The following ATG7 variants were observed in gnomAD, a reference collection of about 807,000 sequenced individuals.
ATG7 encodes ubiquitin-like modifier-activating enzyme ATG7.
Under a neutral mutation model 82.4 loss-of-function variants are expected in ATG7, and 70 were observed. The observed-to-expected ratio is 0.85, with a 90% CI of 0.70 to 1.04. The LOEUF is 1.04. ATG7 is among the 50% of genes least tolerant of loss of function. The pLI is 0.00. For synonymous variants in ATG7, 287 were observed against 313.0 expected (o/e 0.92, Z 0.88); for missense variants, 792 against 864.3 (o/e 0.92, Z 1.05).
downstream of ATG7, chr3:11,558,914 A>C (rs2125096909): frequency 2.7e-6 from 4 of 1,483,916 alleles, no homozygotes; most frequent in East Asian, 9.5e-5. Flanking sequence ...CAGGCAGCCC[A>C]GAGCCGGACT....
intron 20 of ATG7, among the ~76,000 whole-genome samples, chr3:11,429,927 C>T (rs958098668): frequency 7.6e-6 from 1 of 131,884 alleles, no homozygotes; most frequent in African/African-American, 2.8e-5. Context: ...GCCTGGGCGA[C>T]AGAGCGAGAC....
chr3:11,391,709 A>C (rs556160286), intron 19 of ATG7, among the ~76,000 whole-genome samples: 1 of 152,248 alleles, frequency 6.6e-6, no homozygotes, highest in African/African-American at 2.4e-5. Context: ...TAATCTTTTC[A>C]AGTGCTACAG....
downstream of ATG7, chr3:11,559,374 A>T: frequency 6.4e-7 from 1 of 1,553,980 alleles, no homozygotes; most frequent in Non-Finnish European, 8.7e-7. Context: ...GGCGCGGCAC[A>T]GCCGCTGTGC....
intron 20 of ATG7, among the ~76,000 whole-genome samples, chr3:11,503,974 A>G (rs1033593214): frequency 1.3e-5 from 2 of 152,108 alleles, no homozygotes; most frequent in Admixed American, 6.5e-5. Flanking sequence ...AAAGGAAAAC[A>G]TAGAAAACAG....
chr3:11,435,069 T>C (rs2083253298), intron 20 of ATG7, among the ~76,000 whole-genome samples: 1 of 152,218 alleles, frequency 6.6e-6, no homozygotes, highest in South Asian at 2.1e-4. Context: ...GATTCAAATA[T>C]ACCATGTATA....
intron 20 of ATG7, among the ~76,000 whole-genome samples, chr3:11,466,367 A>C (rs2086827244): frequency 6.6e-6 from 1 of 152,256 alleles, no homozygotes; most frequent in African/African-American, 2.4e-5. Flanking sequence ...TAGCTGCTAA[A>C]GATCAGTTGG....
intron 16 of ATG7, 42 bp from the exon 17 acceptor site, chr3:11,362,771 G>T: frequency 1.3e-6 from 2 of 1,544,974 alleles, no homozygotes; most frequent in South Asian, 2.3e-5. Context: ...GAGTTGAATG[G>T]AGTAGAACGT....
intron 20 of ATG7, among the ~76,000 whole-genome samples, chr3:11,528,128 T>C (rs2092622120): frequency 6.6e-6 from 1 of 152,198 alleles, no homozygotes; most frequent in African/African-American, 2.4e-5. Context: ...CTTAATGAAG[T>C]AAAGTTCTGT....
intron 20 of ATG7, among the ~76,000 whole-genome samples, chr3:11,471,652 C>T (rs768951834): frequency 4.8e-5 from 7 of 146,618 alleles, no homozygotes; most frequent in Non-Finnish European, 1.0e-4. Context: ...ATAAGAAATG[C>T]AGGTGGCTCC....
chr3:11,280,847 A>G (rs911750849), intron 1 of ATG7, 147 bp from the exon 2 acceptor site: 1 of 152,208 alleles, frequency 6.6e-6, no homozygotes, highest in African/African-American at 2.4e-5. Context: ...ATTCATGTGG[A>G]TAAATAAAAT....
chr3:11,319,004 T>C (rs1263046879), intron 9 of ATG7, among the ~76,000 whole-genome samples: 1 of 152,200 alleles, frequency 6.6e-6, no homozygotes, highest in Non-Finnish European at 1.5e-5. Context: ...ATCCCCAGCC[T>C]GTGAGCAACT....
At chr3:11,359,738 A>C (rs1344041762) in intron 15 of ATG7, among the ~76,000 whole-genome samples, 1 of 151,124 alleles carries the variant, frequency 6.6e-6, no homozygotes. Flanking sequence ...AAAACCAACT[A>C]TGCGGAGCCA....
chr3:11,538,308 C>T (rs926953970), intron 20 of ATG7, among the ~76,000 whole-genome samples: 4 of 152,146 alleles, frequency 2.6e-5, no homozygotes, highest in African/African-American at 7.2e-5. Flanking sequence ...ACACCATGGA[C>T]CTTCAAGGGA....
At chr3:11,502,959 C>G (rs2091449546) in intron 20 of ATG7, among the ~76,000 whole-genome samples, 1 of 152,134 alleles carries the variant, frequency 6.6e-6, no homozygotes, top group African/African-American at 2.4e-5. Context: ...TTAGGATACA[C>G]CAGCCAGAGT....
chr3:11,282,565 T>A (rs924266332), intron 3 of ATG7, 127 bp downstream of exon 3: 1 of 152,232 alleles, frequency 6.6e-6, no homozygotes, highest in Non-Finnish European at 1.5e-5. Context: ...TGATGTCTTG[T>A]GGAGATGTTA....
At chr3:11,388,319 C>T (rs7616608) in intron 19 of ATG7, among the ~76,000 whole-genome samples, 31,551 of 151,976 alleles carry the variant, frequency 0.21, 3,720 homozygotes, top group South Asian at 0.34. Flanking sequence ...TGATGGAGGA[C>T]GGTACTAACT....
At chr3:11,571,033 C>T in the ATG7 span, among the ~76,000 whole-genome samples, 3 of 152,158 alleles carry the variant, frequency 2.0e-5, no homozygotes, top group Non-Finnish European at 2.9e-5. Flanking sequence ...TGGGTGAAGA[C>T]GATGTTTGCC....
chr3:11,521,264 A>G (rs1468736958), intron 20 of ATG7, among the ~76,000 whole-genome samples: 2 of 152,204 alleles, frequency 1.3e-5, no homozygotes, highest in African/African-American at 4.8e-5. Flanking sequence ...AACGCTGGCC[A>G]TACGTGCTAG....
In ATG7 at chr3:11,417,805, A is replaced by ATTATTTTTTTTT. The variant is rs1559578331; in HGVS notation, c.1957-8997_1957-8996insATTTTTTTTTTT. On this transcript the variant is annotated intron_variant, in intron 19 of 20. Transcript: ENST00000693202. ...AAAAAATTATTATTATTATTATTTTATTTTATTTTATTTTTTTTTTTTTTG... is the reference window on the plus strand; with the variant it reads ...AAAAAATTATTATTATTATTATTTTATTATTTTTTTTTTTTTATTTTATTTTTTTTTTTTTTG... 1.3e-4 allele frequency among the ~76,000 whole-genome samples: 7 copies of ATTATTTTTTTTT among 52,736 alleles called. 1 individual carries two copies. The highest frequency in any genetic ancestry group is 1.4e-3 in the South Asian group (2 of 1,420). 34.6% of individuals were successfully genotyped at this position (52,736 alleles called of 152,430 possible). A position where few individuals can be genotyped will look rare whatever the true frequency, so the allele number is the denominator to read the frequency against.
Sources: gnomAD v4.1 joint callset for allele counts (sites outside exome capture counted in the v4.1 genomes callset) on GRCh38, gnomAD v4.1.1 for gene constraint, MANE v1.5 for transcripts, NCBI Gene and HGNC (gene_info 2026-07-23, HGNC 2026-07-21) for gene names.